The following RSU1 variants were observed in gnomAD, a reference collection of about 807,000 sequenced individuals.
The protein encoded by RSU1 is Ras suppressor protein 1, also known as rsu-1.
In RSU1, 26 loss-of-function variants were observed where a neutral mutation model predicts 31.1. That is an observed-to-expected ratio of 0.84 (90% CI 0.61 to 1.16). RSU1 has a LOEUF of 1.16. RSU1 is among the 50% of genes most tolerant of loss of function. The probability of loss-of-function intolerance (pLI) is 0.00; values close to 1 mark genes in which losing one functional copy is unlikely to be tolerated. For missense variants in RSU1, 320 were observed against 339.1 expected, an observed-to-expected ratio of 0.94 and a Z score of 0.44; for synonymous variants, 164 against 136.3, an observed-to-expected ratio of 1.20 and a Z score of -1.41.
At chr10:16,618,079 C>G (rs897121211) in intron 8 of RSU1, among the ~76,000 whole-genome samples, 2 of 152,144 alleles carry the variant, frequency 1.3e-5, no homozygotes, top group Admixed American at 1.3e-4. Flanking sequence ...TTGCAATCTA[C>G]CCATCTGACA....
intron 2 of RSU1, among the ~76,000 whole-genome samples, chr10:16,799,372 G>A (rs934377307): frequency 1.3e-5 from 2 of 152,170 alleles, no homozygotes; most frequent in Non-Finnish European, 1.5e-5. Flanking sequence ...CCGAAATCTA[G>A]AGACAGGCAA....
intron 7 of RSU1, among the ~76,000 whole-genome samples, chr10:16,718,640 C>G (rs1434293616): frequency 1.3e-5 from 2 of 152,056 alleles, no homozygotes; most frequent in Non-Finnish European, 2.9e-5. Context: ...ACTCATGGCT[C>G]AAATTTTATA....
intron 8 of RSU1, among the ~76,000 whole-genome samples, chr10:16,603,449 G>A (rs1311473457): frequency 6.6e-6 from 1 of 152,184 alleles, no homozygotes; most frequent in Non-Finnish European, 1.5e-5. Flanking sequence ...TCCCGGAGCA[G>A]ATGCAAGGAT....
At chr10:16,784,693 T>C (rs893322092) in intron 2 of RSU1, among the ~76,000 whole-genome samples, 1 of 152,150 alleles carries the variant, frequency 6.6e-6, no homozygotes, top group African/African-American at 2.4e-5. Context: ...ACATCTTACA[T>C]GGCAGCAAGT....
chr10:16,786,232 T>G (rs372122569), intron 2 of RSU1, among the ~76,000 whole-genome samples: 45 of 152,314 alleles, frequency 3.0e-4, no homozygotes, highest in African/African-American at 9.4e-4. Context: ...GTTTATTTAG[T>G]TATACTTGCA....
chr10:16,780,843 T>C (rs570151745), intron 3 of RSU1, among the ~76,000 whole-genome samples: 1 of 152,304 alleles, frequency 6.6e-6, no homozygotes, highest in South Asian at 2.1e-4. Flanking sequence ...ACATGACTTG[T>C]AGGTCTCACT....
intron 7 of RSU1, among the ~76,000 whole-genome samples, chr10:16,748,732 AC>A (rs1236136959): frequency 6.6e-6 from 1 of 151,820 alleles, no homozygotes; most frequent in Non-Finnish European, 1.5e-5. Flanking sequence ...CCCACCCAGG[AC>A]CTTTGCACTT....
rs188854798 is a variant in RSU1 at position 16,750,593 on chromosome 10, C to T, written c.598+1946G>A. Among the ~76,000 whole-genome samples the T allele has an allele frequency of 5.0e-3, 766 of 152,184 alleles. 3 individuals are homozygous for T. The highest frequency in any genetic ancestry group is 8.2e-3 in the Non-Finnish European group (560 of 68,010). ...GTCTGATAAAATAATTGTTTAATAT[C>T]CTACGTTGCCTCACTGCTTGAAAAA... On this transcript the variant is annotated intron_variant, in intron 7 of 8. Transcript: ENST00000345264.
intron 8 of RSU1, among the ~76,000 whole-genome samples, chr10:16,631,561 C>T (rs1202624853): frequency 6.6e-6 from 1 of 152,216 alleles, no homozygotes; most frequent in Non-Finnish European, 1.5e-5. Flanking sequence ...GCCACCACGA[C>T]TTAACAAAAA....
At chr10:16,717,656 T>G (rs141528730) in intron 7 of RSU1, among the ~76,000 whole-genome samples, 1 of 152,276 alleles carries the variant, frequency 6.6e-6, no homozygotes, top group East Asian at 1.9e-4. Flanking sequence ...AAATAAAGGA[T>G]GCCTTATTGT....
At chr10:16,771,310 TC>T (rs909381286) in intron 3 of RSU1, among the ~76,000 whole-genome samples, 1 of 151,942 alleles carries the variant, frequency 6.6e-6, no homozygotes, top group Non-Finnish European at 1.5e-5. Context: ...AAAACAAGTG[TC>T]CCCCTTTGGC....
At chr10:16,611,317 C>T (rs763529534) in intron 8 of RSU1, among the ~76,000 whole-genome samples, 13 of 152,144 alleles carry the variant, frequency 8.5e-5, no homozygotes, top group Non-Finnish European at 1.3e-4. Flanking sequence ...GGAGGAGGGA[C>T]GTCCCAATCA....
intron 8 of RSU1, among the ~76,000 whole-genome samples, chr10:16,657,348 TAATA>T (rs1411715766): frequency 3.3e-5 from 5 of 152,202 alleles, no homozygotes; most frequent in Non-Finnish European, 5.9e-5. Flanking sequence ...TAAGAATGTT[TAATA>T]AATAGGCTGT....
intron 8 of RSU1, among the ~76,000 whole-genome samples, chr10:16,624,728 T>C (rs1217672435): frequency 6.6e-6 from 1 of 152,194 alleles, no homozygotes; most frequent in African/African-American, 2.4e-5. Context: ...TTTGATTAGG[T>C]GGAGATTCTG....
chr10:16,669,300 C>T (rs979503082), intron 8 of RSU1, among the ~76,000 whole-genome samples: 2 of 152,098 alleles, frequency 1.3e-5, no homozygotes, highest in South Asian at 4.2e-4. Context: ...CAAACCCAGG[C>T]CTGCCTCACT....
intron 7 of RSU1, among the ~76,000 whole-genome samples, chr10:16,703,969 G>A (rs1308992710): frequency 6.9e-6 from 1 of 145,724 alleles, no homozygotes; most frequent in Admixed American, 7.1e-5. Flanking sequence ...AGAGTTTTTA[G>A]TTTCATAGGT....
At chr10:16,676,431 T>C (rs1443782347) in intron 8 of RSU1, among the ~76,000 whole-genome samples, 1 of 151,958 alleles carries the variant, frequency 6.6e-6, no homozygotes, top group Non-Finnish European at 1.5e-5. Flanking sequence ...AAGAACAACA[T>C]GAGAAAAACC....
At chr10:16,768,848 G>A (rs2004489) in intron 3 of RSU1, among the ~76,000 whole-genome samples, 28,710 of 152,162 alleles carry the variant, frequency 0.19, 2,871 homozygotes, top group African/African-American at 0.25. Flanking sequence ...GTGCCTGAAG[G>A]GTTCATTAAC....
rs989751453 is a variant in RSU1, at chr10:16,761,078, C to G, written c.281+3312G>C. On this transcript the variant is annotated intron_variant, in intron 4 of 8. Transcript: ENST00000345264. ...TGCCTCAGCCTCCCAGGTAGAGTAG[C>G]TGCGATCACAGGCACGTGCCACCAC... is the stretch of plus-strand genomic sequence containing the variant. Among the ~76,000 whole-genome samples the G allele has an allele frequency of 7.2e-5, 11 of 152,212 alleles. No homozygotes were observed. The South Asian group carries it at 2.1e-3, about 29-fold the overall frequency.
Sources: allele counts gnomAD v4.1 joint callset (sites outside exome capture counted in the v4.1 genomes callset), GRCh38; gene constraint gnomAD v4.1.1; transcripts MANE v1.5; gene names NCBI Gene and HGNC (gene_info 2026-07-23, HGNC 2026-07-21).